Variants in KMT2C observed in about 807,000 individuals in gnomAD.
KMT2C encodes the protein lysine methyltransferase 2C.
Under a neutral mutation model 507.9 loss-of-function variants are expected in KMT2C, and 88 were observed. The ratio of observed to expected loss-of-function variants is 0.17; its 90% CI spans 0.15 to 0.21. KMT2C has a LOEUF of 0.21. Ranked by LOEUF, KMT2C falls within the 10% of genes least tolerant of loss-of-function variation. KMT2C has a pLI of 1.00. For synonymous variants in KMT2C, 2,049 were observed against 2,080.8 expected (o/e 0.98, Z 0.42); for missense variants, 4,954 against 5,957.8 (o/e 0.83, Z 5.55).
chr7:152,157,835 T>A, intron 44 of KMT2C: 1 of 1,333,358 alleles, frequency 7.5e-7, no homozygotes, highest in Non-Finnish European at 9.9e-7. Flanking sequence ...AGAAGTCGAT[T>A]CCCACTATTA....
chr7:152,202,782 C>G (rs1268108906), intron 26 of KMT2C, 152 bp downstream of exon 26: 1 of 635,414 alleles, frequency 1.6e-6, no homozygotes, highest in Non-Finnish European at 2.6e-6. Context: ...TTTTTATGGA[C>G]CCCTGAAAGG....
intron 1 of KMT2C, among the ~76,000 whole-genome samples, chr7:152,401,300 G>T (rs959102011): frequency 5.9e-5 from 9 of 151,936 alleles, no homozygotes; most frequent in African/African-American, 1.9e-4. Flanking sequence ...GACTGGTCTC[G>T]GCCTCCCGCC....
chr7:152,195,835 C>A, intron 28 of KMT2C, 72 bp downstream of exon 28: 1 of 783,760 alleles, frequency 1.3e-6, no homozygotes, highest in South Asian at 3.0e-5. Flanking sequence ...AAAGGCTAAA[C>A]TTGTTCCACA....
intron 6 of KMT2C, among the ~76,000 whole-genome samples, chr7:152,275,158 C>T (rs1401807932): frequency 6.6e-6 from 1 of 152,204 alleles, no homozygotes; most frequent in African/African-American, 2.4e-5. Context: ...TACTATCAAA[C>T]TCTTCCTCAC....
intron 2 of KMT2C, among the ~76,000 whole-genome samples, chr7:152,349,171 C>T (rs562773069): frequency 1.3e-3 from 196 of 152,200 alleles, no homozygotes; most frequent in South Asian, 1.7e-3. Flanking sequence ...GAGGGCTGGG[C>T]GCGGTGACTC....
chr7:152,282,955 A>T (rs1474259687), intron 6 of KMT2C, among the ~76,000 whole-genome samples: 1 of 152,108 alleles, frequency 6.6e-6, no homozygotes, highest in East Asian at 1.9e-4. Flanking sequence ...TTCTCACATG[A>T]AATTCTATAT....
rs1353271557 is a variant in KMT2C at position 152,248,319 on chromosome 7, T to C, written c.2115A>G (p.Glu705=). 9 of 1,613,862 alleles carry C rather than the reference T, an allele frequency of 5.6e-6. No individual in the cohort carries two copies. The highest frequency in any genetic ancestry group is 7.6e-6 in the Non-Finnish European group (9 of 1,179,820). The change falls in exon 14 of 59, where the codon GAA becomes GAG. Residue 705 remains glutamate (E), a synonymous_variant. Coordinates refer to ENST00000262189, the MANE Select transcript of KMT2C (RefSeq NM_170606.3). ...PLETLVSPHE[E]SISLCPEEQL... is the part of the protein sequence containing the mutation. ...GTTCCTCAGGACATAATGAAATACT[T>C]TCCTCATGTGGGGACACTAAGGTTT...
At position 152,163,082 on chromosome 7, in the gene KMT2C, G is replaced by C. The variant is rs745749081; in HGVS notation, c.10495C>G (p.Gln3499Glu). The C allele has an allele frequency of 3.1e-6, 5 of 1,614,208 alleles. No individual in the cohort carries two copies. Among genetic ancestry groups the C allele is most frequent in the Non-Finnish European group, 4.2e-6 (5 of 1,180,034 alleles). Residue 3499 changes from glutamine (Q) to glutamate (E), a missense_variant, in exon 43 of 59, where the codon CAA becomes GAA. By Grantham distance (29) the Gln-to-Glu change is conservative. Around this residue, in one of 29 missense-constraint regions of KMT2C, gnomAD observed 801 missense variants for 751.2 expected, o/e 1.07. Coordinates refer to ENST00000262189, the MANE Select transcript of KMT2C (RefSeq NM_170606.3). Reference protein sequence around the residue: ...QQGSINSPSTQTFMQTNERRQ... With the variant: ...QQGSINSPSTETFMQTNERRQ... Reference sequence around the variant, plus strand: ...CGCTCATTAGTCTGCATGAAAGTTTGGGTGGAGGGTGAATTAATTGATCCT... The same window carrying C: ...CGCTCATTAGTCTGCATGAAAGTTTCGGTGGAGGGTGAATTAATTGATCCT...
chr7:152,304,305 C>T (rs188459647), intron 6 of KMT2C, among the ~76,000 whole-genome samples: 3 of 152,108 alleles, frequency 2.0e-5, no homozygotes, highest in South Asian at 2.1e-4. Context: ...AAATCTCAAC[C>T]GAAATTATCA....
intron 1 of KMT2C, among the ~76,000 whole-genome samples, chr7:152,433,804 T>C (rs997047751): frequency 2.6e-5 from 4 of 152,402 alleles, no homozygotes; most frequent in Admixed American, 2.0e-4. Context: ...GCTGCACTAA[T>C]ACAAATGAGC....
chr7:152,410,288 T>C lies in KMT2C; in HGVS notation c.161+25338A>G, dbSNP rs1490212131. ...TTAGCTGGGCATAGTGGCTGGCACC[T>C]GTAATCCCAGCTACTCGGGAGGCTG... On this transcript the variant is annotated intron_variant, in intron 1 of 58. Coordinates refer to ENST00000262189, the MANE Select transcript of KMT2C (RefSeq NM_170606.3). Among the ~76,000 whole-genome samples the C allele has an allele frequency of 3.3e-5, 5 of 152,410 alleles. No individual in the cohort carries two copies. In the East Asian group the frequency reaches 7.7e-4, roughly 23 times the overall value.
chr7:152,189,450 A>AT (rs1232428154), intron 31 of KMT2C, among the ~76,000 whole-genome samples: 1 of 152,224 alleles, frequency 6.6e-6, no homozygotes, highest in Non-Finnish European at 1.5e-5. Context: ...AATACTTGGT[A>AT]TAACTAGAGA....
intron 6 of KMT2C, among the ~76,000 whole-genome samples, chr7:152,290,273 TATATATATATATATATATA>T (rs2096395799): frequency 2.4e-4 from 7 of 29,708 alleles, no homozygotes; most frequent in Admixed American, 7.7e-4. Context: ...TATATATATA[TATATATATATATATATATA>T]TATTTTTTTT....
intron 11 of KMT2C, among the ~76,000 whole-genome samples, chr7:152,251,203 T>G (rs933591627): frequency 6.6e-6 from 1 of 152,142 alleles, no homozygotes; most frequent in African/African-American, 2.4e-5. Flanking sequence ...TCCTAACACT[T>G]TGGGAGGCCA....
intron 9 of KMT2C, among the ~76,000 whole-genome samples, chr7:152,260,075 T>C (rs563487087): frequency 6.6e-6 from 1 of 152,334 alleles, no homozygotes; most frequent in Non-Finnish European, 1.5e-5. Context: ...GTGAGGTAAG[T>C]ACCGTTAACC....
chr7:152,178,813 G>A, intron 37 of KMT2C, among the ~76,000 whole-genome samples: 1 of 152,134 alleles, frequency 6.6e-6, no homozygotes, highest in East Asian at 1.9e-4. Flanking sequence ...AAACTAAAAA[G>A]CATATCTTAA....
In KMT2C at chr7:152,250,884, A is replaced by C; in HGVS notation, c.1704T>G (p.Gly568=). The change falls in exon 12 of 59, where the codon GGT becomes GGG. Residue 568 remains glycine, a synonymous_variant. Coordinates refer to ENST00000262189, the MANE Select transcript of KMT2C (RefSeq NM_170606.3). ...GAACAATTCCAGGAGTGGACTCCTG[A>C]CCGTTGACATCTTTATTAGCTGCCT... ...SEQAANKDVN[G]QESTPGIVPD... 6.2e-7 allele frequency: 1 copy of C among 1,606,028 alleles called. No homozygotes were observed. The highest frequency in any genetic ancestry group is 8.5e-7 in the Non-Finnish European group (1 of 1,172,746).
chr7:152,376,899 C>T (rs1285476087), intron 1 of KMT2C, among the ~76,000 whole-genome samples: 2 of 152,244 alleles, frequency 1.3e-5, no homozygotes. Context: ...CAATGCCTTG[C>T]TTCAAAGGTC....
rs1315629061 is a variant in KMT2C at position 152,297,055 on chromosome 7, C to CAGAA, written c.849+12910_849+12911insTTCT. Among the ~76,000 whole-genome samples, 17 of 84,434 alleles carry CAGAA rather than the reference C, an allele frequency of 2.0e-4. 1 individual carries two copies. The highest frequency in any genetic ancestry group is 8.7e-4 in the African/African-American group (16 of 18,328). 55.4% of individuals were successfully genotyped at this position (84,434 alleles called of 152,430 possible). On this transcript the variant is annotated intron_variant, in intron 6 of 58. Coordinates refer to ENST00000262189, the MANE Select transcript of KMT2C (RefSeq NM_170606.3). ...AAAGAAAGAAAGAAAGAAAGAAAGA[C>CAGAA]AGAGAGAGAGAGAGAGAGAGAGAGA...
Sources: gnomAD v4.1 joint callset for allele counts (sites outside exome capture counted in the v4.1 genomes callset) on GRCh38, gnomAD v4.1.1 for gene constraint, gnomAD v4.1.1 regional missense constraint, MANE v1.5 for transcripts, NCBI Gene and HGNC (gene_info 2026-07-23, HGNC 2026-07-21) for gene names.